Variants in GOLGA5 observed in about 807,000 individuals in gnomAD.
GOLGA5 encodes the protein golgin A5, also known as golgin subfamily A member 5.
In GOLGA5, 50 loss-of-function variants were observed where a neutral mutation model predicts 93.5. The ratio of observed to expected loss-of-function variants is 0.53; its 90% CI spans 0.43 to 0.68. The LOEUF is 0.68. Among genes scored for constraint, GOLGA5 ranks in the 30% least tolerant of loss-of-function variants. GOLGA5 has a pLI of 0.00. For synonymous variants in GOLGA5, 312 were observed against 304.5 expected, an observed-to-expected ratio of 1.02 and a Z score of -0.26; for missense variants, 760 against 856.4, an observed-to-expected ratio of 0.89 and a Z score of 1.40.
chr14:92,805,474 G>A (rs1884965203), intron 2 of GOLGA5, among the ~76,000 whole-genome samples: 1 of 151,916 alleles, frequency 6.6e-6, no homozygotes, highest in Non-Finnish European at 1.5e-5. Flanking sequence ...CTTTTTTGTG[G>A]GCAAATGTTT....
intron 2 of GOLGA5, among the ~76,000 whole-genome samples, chr14:92,805,680 T>G (rs1884969656): frequency 6.6e-6 from 1 of 152,036 alleles, no homozygotes; most frequent in African/African-American, 2.4e-5. Flanking sequence ...TTCTAGGGGG[T>G]GTCTGTTGGT....
chr14:92,824,683 T>C, intron 9 of GOLGA5, 39 bp downstream of exon 9: 1 of 1,015,550 alleles, frequency 9.8e-7, no homozygotes, highest in South Asian at 1.3e-5. Flanking sequence ...AAGATGCCAC[T>C]GATAAAGCTA....
chr14:92,830,723 C>G (rs140246561), intron 9 of GOLGA5, among the ~76,000 whole-genome samples: 1 of 152,086 alleles, frequency 6.6e-6, no homozygotes, highest in Non-Finnish European at 1.5e-5. Flanking sequence ...CCTCAGCCCC[C>G]CAAGTGGCTG....
intron 6 of GOLGA5, among the ~76,000 whole-genome samples, chr14:92,812,310 C>A (rs1885119799): frequency 6.6e-6 from 1 of 152,178 alleles, no homozygotes; most frequent in South Asian, 2.1e-4. Context: ...TGTGTAAGCC[C>A]TTTCTCCATA....
intron 7 of GOLGA5, among the ~76,000 whole-genome samples, chr14:92,819,252 T>C (rs1361285317): frequency 2.0e-5 from 3 of 152,176 alleles, no homozygotes; most frequent in Non-Finnish European, 2.9e-5. Context: ...TTAGCCATAG[T>C]AGACAATGAA....
At chr14:92,809,077 C>A (rs1270218395) in intron 3 of GOLGA5, among the ~76,000 whole-genome samples, 2 of 152,148 alleles carry the variant, frequency 1.3e-5, no homozygotes, top group East Asian at 1.9e-4. Flanking sequence ...TGTAGAAGAG[C>A]AGCTAGCTTC....
chr14:92,828,532 A>C (rs1885465338), intron 9 of GOLGA5, among the ~76,000 whole-genome samples: 1 of 152,198 alleles, frequency 6.6e-6, no homozygotes, highest in Admixed American at 6.5e-5. Context: ...CTGTACAAGG[A>C]GATTAATGTT....
At chr14:92,798,642 G>A (rs577529278) in intron 2 of GOLGA5, among the ~76,000 whole-genome samples, 34 of 152,352 alleles carry the variant, frequency 2.2e-4, no homozygotes, top group East Asian at 9.6e-4. Context: ...TAGGCTGGGC[G>A]TGGTGGCTTA....
chr14:92,811,119 A>G (rs1468339762), intron 5 of GOLGA5, among the ~76,000 whole-genome samples: 2 of 152,236 alleles, frequency 1.3e-5, no homozygotes, highest in Admixed American at 6.5e-5. Flanking sequence ...ATTTTACATT[A>G]TTTTTTGAAT....
At chr14:92,834,451 C>T (rs895546644) in intron 10 of GOLGA5, among the ~76,000 whole-genome samples, 9 of 150,992 alleles carry the variant, frequency 6.0e-5, no homozygotes, top group South Asian at 4.2e-4. Flanking sequence ...TGAGAACATA[C>T]GGTGAAAAGT....
chr14:92,795,052 T>C (rs1461138897), intron 1 of GOLGA5, among the ~76,000 whole-genome samples: 1 of 151,406 alleles, frequency 6.6e-6, no homozygotes, highest in Non-Finnish European at 1.5e-5. Flanking sequence ...AAAGCCCAAT[T>C]AATTTTGAAA....
At chr14:92,830,332 G>A (rs1885503560) in intron 9 of GOLGA5, among the ~76,000 whole-genome samples, 1 of 151,700 alleles carries the variant, frequency 6.6e-6, no homozygotes, top group Admixed American at 6.6e-5. Flanking sequence ...ACAAAAGCAA[G>A]CTTGTCCGAC....
rs540702376 is a variant in GOLGA5, at chr14:92,807,831, A to G, written c.772+868A>G. Among the ~76,000 whole-genome samples, 4 of 152,286 alleles carry G rather than the reference A, an allele frequency of 2.6e-5. No individual in the cohort carries two copies. In the East Asian group the frequency reaches 7.7e-4, roughly 29 times the overall value. On this transcript the variant is annotated intron_variant, in intron 3 of 12. Transcript: ENST00000163416. The stretch of plus-strand genomic sequence containing the variant: ...TGTGGCTGAGAAGAAAACGAGTGAC[A>G]AAATTGCTGCCTTGGTTCCTGGGGC...
chr14:92,798,682 G>A (rs1317591722), intron 2 of GOLGA5, among the ~76,000 whole-genome samples: 1 of 152,200 alleles, frequency 6.6e-6, no homozygotes, highest in Non-Finnish European at 1.5e-5. Context: ...TTGGAACGCT[G>A]AGGCAGGCAG....
Position 92,806,951 on chromosome 14 carries a change from G to C in GOLGA5, c.760G>C (p.Glu254Gln). 2 of 1,591,480 alleles carry C rather than the reference G, an allele frequency of 1.3e-6. No homozygotes were observed. Among genetic ancestry groups the C allele is most frequent in the Non-Finnish European group, 1.7e-6 (2 of 1,159,294 alleles). Residue 254 changes from glutamate to glutamine, a missense_variant, in exon 3 of 13, where the codon GAG becomes CAG. Coordinates refer to ENST00000163416, the MANE Select transcript of GOLGA5 (RefSeq NM_005113.4). Reference protein sequence around the residue: ...EMASLLQRSKETQEELNKARA... With the variant: ...EMASLLQRSKQTQEELNKARA... ...GGCCTCGTTACTCCAAAGATCCAAA[G>C]AGACTCAAGAAGGTAGAGGCTTAAA... is the stretch of plus-strand genomic sequence containing the variant.
chr14:92,799,963 T>C (rs1884833219), intron 2 of GOLGA5, among the ~76,000 whole-genome samples: 3 of 152,236 alleles, frequency 2.0e-5, no homozygotes, highest in Non-Finnish European at 1.5e-5. Context: ...TTGGATGTTA[T>C]AGCTTCTTTC....
At chr14:92,839,030 T>C (rs1283243798) in intron 12 of GOLGA5, among the ~76,000 whole-genome samples, 1 of 152,242 alleles carries the variant, frequency 6.6e-6, no homozygotes, top group Non-Finnish European at 1.5e-5. Context: ...GAATACCAAC[T>C]ATAACTGTTC....
intron 7 of GOLGA5, among the ~76,000 whole-genome samples, chr14:92,816,922 T>A (rs893407164): frequency 6.7e-6 from 1 of 150,092 alleles, no homozygotes; most frequent in African/African-American, 2.4e-5. Context: ...TTTCTTTCCT[T>A]CCTTTCTTTC....
In GOLGA5 at chr14:92,837,397, G is replaced by A. The variant is rs141819334; in HGVS notation, c.2063G>A (p.Gly688Glu). Residue 688 changes from glycine to glutamate, a missense_variant, in exon 12 of 13, where the codon GGA becomes GAA. Coordinates refer to ENST00000163416, the MANE Select transcript of GOLGA5 (RefSeq NM_005113.4). ...CTGTGTCTGCACAGTATTCGCCTGG[G>A]AATTTTTCTCCGAAGATACCCCATA... is the stretch of plus-strand genomic sequence containing the variant. ...SSIDQFSIRL[G>E]IFLRRYPIAR... 3.2e-6 allele frequency: 5 copies of A among 1,539,366 alleles called. No homozygotes were observed. In the African/African-American group the frequency reaches 6.8e-5, roughly 21 times the overall value.
Sources: allele counts gnomAD v4.1 joint callset (sites outside exome capture counted in the v4.1 genomes callset), GRCh38; gene constraint gnomAD v4.1.1; transcripts MANE v1.5; gene names NCBI Gene and HGNC (gene_info 2026-07-23, HGNC 2026-07-21).